Variants in KLHDC4 observed in about 807,000 individuals in gnomAD.
The protein encoded by KLHDC4 is kelch domain-containing protein 4.
A neutral mutation model predicts 62.4 loss-of-function variants in KLHDC4; 90 were observed. That is an observed-to-expected ratio of 1.44 (90% CI 1.22 to 1.72). The LOEUF (loss-of-function observed/expected upper bound fraction) is 1.72. Ranked by LOEUF, KLHDC4 falls within the 40% of genes most tolerant of loss-of-function variation. The pLI is 0.00. For missense variants in KLHDC4, 1,025 were observed against 699.7 expected (o/e 1.47, Z -5.25); for synonymous variants, 386 against 284.4 (o/e 1.36, Z -3.59).
In KLHDC4 at chr16:87,754,723, C is replaced by T. The variant is rs111930953; in HGVS notation, c.369+471G>A. Reference sequence around the variant, plus strand: ...GGAAGCCCCTTCCCTGACAGGAGAGCGACAGCTGACACTGCTCTCCTGGGT... The same window carrying T: ...GGAAGCCCCTTCCCTGACAGGAGAGTGACAGCTGACACTGCTCTCCTGGGT... On this transcript the variant is annotated intron_variant, in intron 4 of 11. Coordinates refer to ENST00000270583, the MANE Select transcript of KLHDC4 (RefSeq NM_017566.4). Among the ~76,000 whole-genome samples, 1,359 of 152,294 alleles carry T rather than the reference C, an allele frequency of 8.9e-3. 10 individuals are homozygous for T. The highest frequency in any genetic ancestry group is 0.016 in the Non-Finnish European group (1,099 of 68,018).
chr16:87,713,680 G>A lies in KLHDC4; in HGVS notation c.835+818C>T, dbSNP rs115437263. ...CAGTTCATCTCAGCACATGACCCACGCCCAGGAACATGAAACGTGCCATGT... is the reference window on the plus strand; with the variant it reads ...CAGTTCATCTCAGCACATGACCCACACCCAGGAACATGAAACGTGCCATGT... On this transcript the variant is annotated intron_variant, in intron 8 of 11. Transcript: ENST00000270583. Among the ~76,000 whole-genome samples the A allele has an allele frequency of 3.0e-3, 461 of 152,072 alleles. 4 individuals are homozygous for A. The highest frequency in any genetic ancestry group is 0.011 in the African/African-American group (436 of 41,480).
chr16:87,718,619 G>A (rs1567686397), intron 7 of KLHDC4, among the ~76,000 whole-genome samples: 1 of 151,904 alleles, frequency 6.6e-6, no homozygotes, highest in South Asian at 2.1e-4. Flanking sequence ...CCAAAGTGCT[G>A]AGATTGCAGC....
At chr16:87,724,313 A>T (rs1020981095) in intron 7 of KLHDC4, among the ~76,000 whole-genome samples, 1 of 152,226 alleles carries the variant, frequency 6.6e-6, no homozygotes, top group Non-Finnish European at 1.5e-5. Flanking sequence ...TACTGAAGCT[A>T]AACAAGGTCT....
At chr16:87,765,441 C>T (rs933989148) in intron 1 of KLHDC4, 1 of 495,654 alleles carries the variant, frequency 2.0e-6, no homozygotes, top group African/African-American at 1.9e-5. Flanking sequence ...TCTTCCTGTG[C>T]CAAACCCCTC....
Position 87,765,902 on chromosome 16 carries a change from C to T in KLHDC4, c.-12G>A. On this transcript the variant is annotated 5_prime_UTR_variant, in exon 1 of 12. Transcript: ENST00000270583. Reference sequence around the variant, plus strand: ...CCCTTCTTGCCCATCTTGCCGGGTCCCAAGCCGCGACGGGACACCAGGAAA... The same window carrying T: ...CCCTTCTTGCCCATCTTGCCGGGTCTCAAGCCGCGACGGGACACCAGGAAA... 6.4e-7 allele frequency: 1 copy of T among 1,550,858 alleles called. No homozygotes were observed. Among genetic ancestry groups the T allele is most frequent in the Non-Finnish European group, 8.7e-7 (1 of 1,146,768 alleles).
intron 3 of KLHDC4, 170 bp from the exon 4 acceptor site, chr16:87,755,462 G>C: frequency 2.0e-6 from 1 of 492,592 alleles, no homozygotes. Context: ...TGGGGATGAC[G>C]ACACAATGAA....
chr16:87,740,134 G>A (rs570307222), intron 5 of KLHDC4, among the ~76,000 whole-genome samples: 1 of 152,332 alleles, frequency 6.6e-6, no homozygotes, highest in African/African-American at 2.4e-5. Context: ...GACAGGAAGA[G>A]AAGGTGGCAA....
At position 87,726,852 on chromosome 16, in the gene KLHDC4, T is replaced by C; in HGVS notation, c.672A>G (p.Ser224=). The change falls in exon 7 of 12, where the codon TCA becomes TCG. Residue 224 remains serine (S), a synonymous_variant. Coordinates refer to ENST00000270583, the MANE Select transcript of KLHDC4 (RefSeq NM_017566.4). ...DTFTWSKLSP[S]GTGPTPRSGC... ...CTGATCTGGGTGTGGGCCCCGTCCC[T>C]GACGGGGACAGCTTGCTCCATGTGA... 6 of 1,613,434 alleles carry C rather than the reference T, an allele frequency of 3.7e-6. No individual in the cohort carries two copies. Among genetic ancestry groups the C allele is most frequent in the Non-Finnish European group, 5.1e-6 (6 of 1,179,726 alleles).
At chr16:87,754,839 C>T (rs892793257) in intron 4 of KLHDC4, among the ~76,000 whole-genome samples, 1 of 152,240 alleles carries the variant, frequency 6.6e-6, no homozygotes, top group South Asian at 2.1e-4. Flanking sequence ...TTTCCTTCCA[C>T]CATGCACACC....
intron 2 of KLHDC4, among the ~76,000 whole-genome samples, chr16:87,757,774 C>A: frequency 6.6e-6 from 1 of 152,002 alleles, no homozygotes; most frequent in East Asian, 1.9e-4. Flanking sequence ...CACCTGTAAT[C>A]CCAGCTACTC....
downstream of KLHDC4, among the ~76,000 whole-genome samples, chr16:87,707,289 T>C (rs76394369): frequency 3.9e-3 from 588 of 152,326 alleles, 6 homozygotes; most frequent in East Asian, 0.014. Context: ...TGTGGGGACG[T>C]TGGGAGCCCT....
At chr16:87,705,413 G>C (rs1397759381), downstream of KLHDC4, among the ~76,000 whole-genome samples, 2 of 152,252 alleles carry the variant, frequency 1.3e-5, no homozygotes, top group Non-Finnish European at 2.9e-5. Context: ...TCACGGCCGT[G>C]ACAGCCACTC....
chr16:87,709,498 G>A lies in KLHDC4; in HGVS notation c.1214C>T (p.Pro405Leu), dbSNP rs894394577. The A allele has an allele frequency of 3.7e-6, 6 of 1,611,918 alleles. No individual in the cohort carries two copies. Among genetic ancestry groups the A allele is most frequent in the Admixed American group, 1.7e-5 (1 of 59,994 alleles). The change falls in exon 10 of 12, where the codon CCA (proline) becomes CTA (leucine). Residue 405 changes from proline (P) to leucine (L), a missense_variant. By Grantham distance (98) the Pro-to-Leu change is moderately conservative. Transcript: ENST00000270583. Reference protein sequence around the residue: ...VVTIKQVLTAPGSAGQPRSED... With the variant: ...VVTIKQVLTALGSAGQPRSED... ...AGACCGGGGCTGCCCCGCCGAGCCT[G>A]GCGCGGTGAGCACCTGCTTAATGGT... is the stretch of plus-strand genomic sequence containing the variant.
intron 2 of KLHDC4, among the ~76,000 whole-genome samples, chr16:87,760,288 G>A (rs548078302): frequency 1.6e-3 from 237 of 146,816 alleles, no homozygotes; most frequent in Non-Finnish European, 2.8e-3. Flanking sequence ...CCAGGAACTC[G>A]AGACCAGCCT....
chr16:87,734,119 G>A (rs1187074289), intron 5 of KLHDC4, among the ~76,000 whole-genome samples: 1 of 152,194 alleles, frequency 6.6e-6, no homozygotes, highest in Non-Finnish European at 1.5e-5. Flanking sequence ...GGCCAAGGTG[G>A]GCGGATCACG....
intron 9 of KLHDC4, 169 bp from the exon 10 acceptor site, chr16:87,709,836 G>A (rs2142916653): frequency 4.1e-6 from 3 of 724,666 alleles, no homozygotes; most frequent in Non-Finnish European, 4.4e-6. Context: ...GCACTGGGCT[G>A]CAGGAGCACG....
chr16:87,762,877 T>C (rs1476994100), intron 1 of KLHDC4, among the ~76,000 whole-genome samples: 5 of 152,092 alleles, frequency 3.3e-5, no homozygotes, highest in Non-Finnish European at 5.9e-5. Context: ...TACACACACC[T>C]GCAGACCATC....
intron 5 of KLHDC4, among the ~76,000 whole-genome samples, chr16:87,744,800 CTGTGCACGTACAG>C (rs1381103808): frequency 1.3e-5 from 2 of 152,230 alleles, no homozygotes; most frequent in African/African-American, 4.8e-5. Flanking sequence ...CTCCCTTCTC[CTGTGCACGTACAG>C]TGTGCACGCA....
At chr16:87,721,834 A>T (rs2038415534) in intron 7 of KLHDC4, among the ~76,000 whole-genome samples, 1 of 152,180 alleles carries the variant, frequency 6.6e-6, no homozygotes, top group Non-Finnish European at 1.5e-5. Context: ...ATGACAACTG[A>T]GGTCAAAACG....
Sources: allele counts gnomAD v4.1 joint callset (sites outside exome capture counted in the v4.1 genomes callset), GRCh38; gene constraint gnomAD v4.1.1; transcripts MANE v1.5; gene names NCBI Gene and HGNC (gene_info 2026-07-23, HGNC 2026-07-21).